C16orf95: variants seen among roughly 807,000 people sequenced by gnomAD.
C16orf95 encodes uncharacterized protein C16orf95.
In C16orf95, 41 loss-of-function variants were observed where a neutral mutation model predicts 32.1. That is an observed-to-expected ratio of 1.28 (90% CI 1.00 to 1.66). The LOEUF (loss-of-function observed/expected upper bound fraction) is 1.66. Ranked by LOEUF, C16orf95 falls within the 40% of genes most tolerant of loss-of-function variation. The pLI is 0.00. For synonymous variants in C16orf95, 147 were observed against 128.9 expected (o/e 1.14, Z -0.95); for missense variants, 399 against 325.9 (o/e 1.22, Z -1.73).
At chr16:87,315,691 T>C in intron 2 of C16orf95, 81 bp downstream of exon 2, 2 of 1,110,558 alleles carry the variant, frequency 1.8e-6, no homozygotes, top group Non-Finnish European at 2.5e-6. Flanking sequence ...ATGCAGCTTC[T>C]GGACCCACAT....
At position 87,317,174 on chromosome 16, in the gene C16orf95, G is replaced by C. The variant is rs760300912; in HGVS notation, c.69C>G (p.Ala23=). 7.8e-6 allele frequency: 12 copies of C among 1,532,638 alleles called. No individual in the cohort carries two copies. Among genetic ancestry groups the C allele is most frequent in the African/African-American group, 1.4e-5 (1 of 72,926 alleles). 94.9% of individuals were successfully genotyped at this position (1,532,638 alleles called of 1,614,324 possible). A position where few individuals can be genotyped will look rare whatever the true frequency, so the allele number is the denominator to read the frequency against. ...CHHHHEATGA[A]SGAAAGGPGA... ...CCGGCCCCCCGGCAGCAGCGCCTGA[G>C]GCTGCTCCAGTGGCCTCATGATGAT... The change falls in exon 1 of 7, where the codon GCC becomes GCG. Residue 23 remains alanine (A), a synonymous_variant. Transcript: ENST00000567970.
chr16:87,315,686 G>C (rs1391332568), intron 2 of C16orf95, 86 bp downstream of exon 2: 2 of 1,064,192 alleles, frequency 1.9e-6, no homozygotes, highest in African/African-American at 3.3e-5. Flanking sequence ...ATGGGATGCA[G>C]CTTCTGGACC....
rs140037097 is a variant in C16orf95, at chr16:87,305,964, C to T, written c.515-59G>A. On this transcript the variant is annotated intron_variant, in intron 5 of 6. Coordinates refer to ENST00000567970, the MANE Select transcript of C16orf95 (RefSeq NM_001195124.3). The surrounding 1 kb of genome is among the most constrained non-coding windows in gnomAD (Gnocchi z 4.2). Reference sequence around the variant, plus strand: ...GTGTTCTCCGGGACTCTGTGAGCCACGAGGAGGCTGCAACACCAGCCCCAG... The same window carrying T: ...GTGTTCTCCGGGACTCTGTGAGCCATGAGGAGGCTGCAACACCAGCCCCAG... 1.9e-5 allele frequency: 25 copies of T among 1,301,114 alleles called. No individual in the cohort carries two copies. Among genetic ancestry groups the T allele is most frequent in the African/African-American group, 1.9e-4 (12 of 64,232 alleles). 80.6% of individuals were successfully genotyped at this position (1,301,114 alleles called of 1,614,324 possible). A position where few individuals can be genotyped will look rare whatever the true frequency, so the allele number is the denominator to read the frequency against.
chr16:87,314,072 G>A (rs1184769669), intron 3 of C16orf95, among the ~76,000 whole-genome samples: 2 of 152,174 alleles, frequency 1.3e-5, no homozygotes, highest in African/African-American at 2.4e-5. Context: ...GACACTGCTA[G>A]TAGAGATGTA....
Position 87,305,570 on chromosome 16 carries a change from A to G in C16orf95, c.701+149T>C. On this transcript the variant is annotated intron_variant, in intron 6 of 6. Transcript: ENST00000567970. The surrounding 1 kb of genome is among the most constrained non-coding windows in gnomAD (Gnocchi z 4.2). ...GAGCCTGCGCTGTGCAGAGCACCAC[A>G]GGACACACTCACAGTGCCGGGCCTT... 1.5e-6 allele frequency: 1 copy of G among 651,184 alleles called. No individual in the cohort carries two copies. Among genetic ancestry groups the G allele is most frequent in the Non-Finnish European group, 2.4e-6 (1 of 414,112 alleles). 40.3% of individuals were successfully genotyped at this position (651,184 alleles called of 1,614,324 possible).
At chr16:87,315,362 C>T (rs1423346270) in intron 2 of C16orf95, among the ~76,000 whole-genome samples, 3 of 152,218 alleles carry the variant, frequency 2.0e-5, no homozygotes, top group South Asian at 2.1e-4. Flanking sequence ...GAGCAAGTCT[C>T]GTGGTCCCCT....
intron 1 of C16orf95, among the ~76,000 whole-genome samples, chr16:87,316,811 C>T (rs1487462775): frequency 6.6e-6 from 1 of 152,188 alleles, no homozygotes; most frequent in African/African-American, 2.4e-5. Flanking sequence ...CTTGCCTCCA[C>T]AAGGGAAGCC....
intron 4 of C16orf95, among the ~76,000 whole-genome samples, chr16:87,310,625 C>T (rs1030907267): frequency 2.0e-5 from 3 of 152,168 alleles, no homozygotes; most frequent in Admixed American, 6.5e-5. Flanking sequence ...GACCTGCTGC[C>T]GCTGCCCAGA....
Position 87,317,188 on chromosome 16 carries a change from C to G in C16orf95, c.55G>C (p.Ala19Pro). The G allele has an allele frequency of 6.5e-7, 1 of 1,530,330 alleles. No individual in the cohort carries two copies. The highest frequency in any genetic ancestry group is 8.7e-7 in the Non-Finnish European group (1 of 1,144,522). 94.8% of individuals were successfully genotyped at this position (1,530,330 alleles called of 1,614,324 possible). The change falls in exon 1 of 7, where the codon GCC (alanine) becomes CCC (proline). Residue 19 changes from alanine (A) to proline (P), a missense_variant. Transcript: ENST00000567970. ...SPRRCHHHHE[A>P]TGAASGAAAG... ...GCAGCGCCTGAGGCTGCTCCAGTGG[C>G]CTCATGATGATGGTGACAACGCCGC...
intron 5 of C16orf95, among the ~76,000 whole-genome samples, chr16:87,308,467 A>G (rs1911123604): frequency 6.7e-6 from 1 of 149,610 alleles, no homozygotes; most frequent in Non-Finnish European, 1.5e-5. Flanking sequence ...ACAAAGTGAG[A>G]CTGCATCTCA....
intron 5 of C16orf95, among the ~76,000 whole-genome samples, chr16:87,308,986 C>G (rs1160214281): frequency 6.6e-6 from 1 of 152,190 alleles, no homozygotes; most frequent in Non-Finnish European, 1.5e-5. Context: ...TTCTCACAAA[C>G]TGATGTGGAT....
At chr16:87,315,177 C>G in intron 2 of C16orf95, 81 bp from the exon 3 acceptor site, 1 of 1,413,150 alleles carries the variant, frequency 7.1e-7, no homozygotes, top group Non-Finnish European at 9.5e-7. Context: ...CACAGTAGAT[C>G]CGTGCTCAGG....
intron 3 of C16orf95, among the ~76,000 whole-genome samples, chr16:87,312,760 A>G (rs558716035): frequency 4.0e-4 from 61 of 152,300 alleles, no homozygotes; most frequent in African/African-American, 1.4e-3. Flanking sequence ...CTCTATTTGC[A>G]GATGACACAA....
intron 4 of C16orf95, 27 bp from the exon 5 acceptor site, chr16:87,310,360 G>A: frequency 6.5e-7 from 1 of 1,535,944 alleles, no homozygotes; most frequent in Non-Finnish European, 8.7e-7. Context: ...GAGGCAAGCA[G>A]TCAGCCTGGC....
rs1241454680 is a variant in C16orf95, at chr16:87,311,228, A to G, written c.399T>C (p.Phe133=). ...CCCTAGGCATCGGGAGGCGGCCCCCAAAGCGGTGGCATAGGCAGGGGCACA... is the reference window on the plus strand; with the variant it reads ...CCCTAGGCATCGGGAGGCGGCCCCCGAAGCGGTGGCATAGGCAGGGGCACA... ...AKMCPCLCHR[F]GGRLPMPRDQ... Residue 133 remains phenylalanine (F), a synonymous_variant, in exon 4 of 7, where the codon TTT becomes TTC. Coordinates refer to ENST00000567970, the MANE Select transcript of C16orf95 (RefSeq NM_001195124.3). The G allele has an allele frequency of 6.5e-7, 1 of 1,535,862 alleles. No individual in the cohort carries two copies. Among genetic ancestry groups the G allele is most frequent in the East Asian group, 2.4e-5 (1 of 40,914 alleles).
intron 2 of C16orf95, among the ~76,000 whole-genome samples, chr16:87,315,405 C>G (rs557292714): frequency 3.3e-5 from 5 of 152,344 alleles, no homozygotes; most frequent in South Asian, 2.1e-4. Context: ...AGCTCTAGAG[C>G]TTATGCGCAC....
intron 5 of C16orf95, among the ~76,000 whole-genome samples, chr16:87,307,915 G>C (rs1426267779): frequency 6.6e-6 from 1 of 152,184 alleles, no homozygotes. Context: ...CATCAATGCA[G>C]TCTTTTTTTA....
chr16:87,310,196 G>A, intron 5 of C16orf95, 101 bp downstream of exon 5: 1 of 1,171,160 alleles, frequency 8.5e-7, no homozygotes, highest in Non-Finnish European at 1.2e-6. Flanking sequence ...ACTGTGGGCA[G>A]GTGTCTGGTG....
chr16:87,315,982 G>A (rs896158802), intron 1 of C16orf95, among the ~76,000 whole-genome samples, 159 bp from the exon 2 acceptor site: 3 of 152,120 alleles, frequency 2.0e-5, no homozygotes, highest in Admixed American at 2.0e-4. Flanking sequence ...AGAGTGAGAG[G>A]GTGACATCAG....
Sources: gnomAD v4.1 joint callset for allele counts (sites outside exome capture counted in the v4.1 genomes callset) on GRCh38, gnomAD v4.1.1 for gene constraint, Gnocchi (gnomAD v3.1) non-coding constraint, MANE v1.5 for transcripts, NCBI Gene and HGNC (gene_info 2026-07-23, HGNC 2026-07-21) for gene names.